The following BID variants were observed in gnomAD, a reference collection of about 807,000 sequenced individuals.
BID encodes the protein BH3 interacting domain death agonist.
Under a neutral mutation model 17.4 loss-of-function variants are expected in BID, and 19 were observed. The observed-to-expected ratio is 1.09, with a 90% CI of 0.76 to 1.60. The LOEUF (loss-of-function observed/expected upper bound fraction) is 1.60, where lower values mean the gene tolerates loss of function less well. BID is among the 40% of genes most tolerant of loss of function. BID has a pLI of 0.00. For synonymous variants in BID, 108 were observed against 102.8 expected (o/e 1.05, Z -0.31); for missense variants, 226 against 256.0 (o/e 0.88, Z 0.80).
intron 2 of BID, among the ~76,000 whole-genome samples, chr22:17,744,757 TACTG>T (rs1255012552): frequency 2.6e-5 from 4 of 152,180 alleles, no homozygotes; most frequent in South Asian, 4.1e-4. Flanking sequence ...GTTCTTGGGG[TACTG>T]ACTGTGTTTG....
At chr22:17,763,370 A>G (rs899727755) in intron 1 of BID, among the ~76,000 whole-genome samples, 2 of 151,982 alleles carry the variant, frequency 1.3e-5, no homozygotes, top group Non-Finnish European at 2.9e-5. Context: ...CAGCCTCCCA[A>G]GTAGCTGGGA....
In BID at chr22:17,739,338, C is replaced by T. The variant is rs779049242; in HGVS notation, c.363+11G>A. 52 of 1,577,446 alleles carry T rather than the reference C, an allele frequency of 3.3e-5. No homozygotes were observed. Among genetic ancestry groups the T allele is most frequent in the Non-Finnish European group, 4.1e-5 (48 of 1,164,538 alleles). On this transcript the variant is annotated intron_variant, in intron 4 of 5. Coordinates refer to ENST00000622694, the MANE Select transcript of BID (RefSeq NM_001196.4). ...CTTGCCCGCCCACGCGGTCCTCAGG[C>T]CCTCACTCACCTCCTCCGACCGGCT...
chr22:17,762,676 A>G (rs756088978), intron 1 of BID, among the ~76,000 whole-genome samples: 4 of 151,596 alleles, frequency 2.6e-5, no homozygotes, highest in Non-Finnish European at 4.4e-5. Flanking sequence ...TCAGCTTCCC[A>G]AAGTGCTGGG....
At chr22:17,748,316 T>C (rs1222343994) in intron 2 of BID, among the ~76,000 whole-genome samples, 1 of 150,798 alleles carries the variant, frequency 6.6e-6, no homozygotes, top group Non-Finnish European at 1.5e-5. Context: ...GAGACCATCC[T>C]GGCTAACACG....
intron 1 of BID, among the ~76,000 whole-genome samples, chr22:17,763,200 T>A (rs2061653692): frequency 6.6e-6 from 1 of 150,986 alleles, no homozygotes; most frequent in Non-Finnish European, 1.5e-5. Context: ...CTTTGAAAAA[T>A]AAAAGCATTT....
intron 1 of BID, among the ~76,000 whole-genome samples, chr22:17,759,241 C>CAAAAAAAAAAAAAA (rs1555906713): frequency 2.1e-5 from 2 of 97,084 alleles, no homozygotes; most frequent in African/African-American, 5.1e-5. Context: ...AAACAAAAAA[C>CAAAAAAAAAAAAAA]AAAACAAAAA....
At chr22:17,765,423 CGAGT>C (rs1301029413) in intron 1 of BID, among the ~76,000 whole-genome samples, 1 of 152,112 alleles carries the variant, frequency 6.6e-6, no homozygotes, top group African/African-American at 2.4e-5. Context: ...TCTGTCTTAC[CGAGT>C]AAGTATGTCG....
chr22:17,755,065 ATTTCTTTTTTTCT>A, intron 1 of BID, among the ~76,000 whole-genome samples: 1 of 144,090 alleles, frequency 6.9e-6, no homozygotes, highest in Non-Finnish European at 1.5e-5. Flanking sequence ...CCTGGCCTGA[ATTTCTTTTTTTCT>A]TTTCTTTTTT....
intron 2 of BID, among the ~76,000 whole-genome samples, chr22:17,744,688 G>T (rs1381523958): frequency 6.6e-6 from 1 of 152,166 alleles, no homozygotes; most frequent in Non-Finnish European, 1.5e-5. Context: ...CCAGCTCCCT[G>T]GGCAGCACTG....
At chr22:17,739,876 G>A in intron 3 of BID, 1 of 632,218 alleles carries the variant, frequency 1.6e-6, no homozygotes, top group Non-Finnish European at 2.8e-6. Flanking sequence ...GGGCTCTGTG[G>A]GCAGACGGCA....
rs5844324 is a variant in BID, at chr22:17,747,004, GC to G, written c.13-2992del. 2.7e-3 allele frequency among the ~76,000 whole-genome samples: 412 copies of G among 152,344 alleles called. 1 individual carries two copies. Among genetic ancestry groups the G allele is most frequent in the African/African-American group, 9.4e-3 (390 of 41,584 alleles). On this transcript the variant is annotated intron_variant, in intron 2 of 5. Coordinates refer to ENST00000622694, the MANE Select transcript of BID (RefSeq NM_001196.4). ...TTGGCATCCAGAATCTGGACACAGA[GC>G]GGTGCTGCCACCACAGCAGGTCAGG...
At chr22:17,755,859 G>T (rs887309968) in intron 1 of BID, among the ~76,000 whole-genome samples, 15 of 151,646 alleles carry the variant, frequency 9.9e-5, no homozygotes, top group Non-Finnish European at 1.8e-4. Flanking sequence ...TTCCTTTTTG[G>T]TTTTTTGTTT....
chr22:17,762,695 T>G (rs1177612446), intron 1 of BID, among the ~76,000 whole-genome samples: 1 of 149,856 alleles, frequency 6.7e-6, no homozygotes, highest in East Asian at 2.0e-4. Context: ...GGATTACAGG[T>G]AAGGACCACT....
At chr22:17,749,805 A>G (rs2061522791) in intron 2 of BID, among the ~76,000 whole-genome samples, 1 of 152,208 alleles carries the variant, frequency 6.6e-6, no homozygotes, top group African/African-American at 2.4e-5. Context: ...CCCACAGCCT[A>G]TGGCTGTTAA....
Position 17,743,881 on chromosome 22 carries a change from G to A in BID, c.145C>T (p.Pro49Ser), listed in dbSNP as rs748577760. The change falls in exon 3 of 6, where the codon CCC (proline) becomes TCC (serine). Residue 49 changes from proline (P) to serine (S), a missense_variant. Transcript: ENST00000622694. Reference sequence around the variant, plus strand: ...AGCTCATCGTAGCCCTCCCACTGGGGAGCCAGCACTGGCAGCTCGTGGCCC... The same window carrying A: ...AGCTCATCGTAGCCCTCCCACTGGGAAGCCAGCACTGGCAGCTCGTGGCCC... The part of the protein sequence containing the change: ...ALGHELPVLA[P>S]QWEGYDELQT... The A allele has an allele frequency of 7.4e-6, 12 of 1,613,446 alleles. No homozygotes were observed. In the South Asian group the frequency reaches 1.1e-4, roughly 15 times the overall value.
At chr22:17,751,872 G>A (rs1569044700) in intron 1 of BID, among the ~76,000 whole-genome samples, 1 of 152,230 alleles carries the variant, frequency 6.6e-6, no homozygotes, top group East Asian at 1.9e-4. Flanking sequence ...CACAGCAGAG[G>A]AAGGGGAGTC....
intron 1 of BID, among the ~76,000 whole-genome samples, chr22:17,753,323 G>A (rs1331603904): frequency 1.3e-5 from 2 of 152,212 alleles, no homozygotes; most frequent in Non-Finnish European, 2.9e-5. Flanking sequence ...GAGGGGCAAG[G>A]TGTTGTGGCA....
intron 2 of BID, among the ~76,000 whole-genome samples, chr22:17,747,652 G>A (rs2061503568): frequency 6.6e-6 from 1 of 152,026 alleles, no homozygotes; most frequent in Non-Finnish European, 1.5e-5. Flanking sequence ...AGAATTGATA[G>A]TTTTTTATCT....
At chr22:17,768,821 C>T (rs1473410544) in intron 1 of BID, among the ~76,000 whole-genome samples, 1 of 144,612 alleles carries the variant, frequency 6.9e-6, no homozygotes, top group Non-Finnish European at 1.5e-5. Flanking sequence ...TGCAGTGAGC[C>T]GAGATCGCGC....
Sources: gnomAD v4.1 joint callset for allele counts (sites outside exome capture counted in the v4.1 genomes callset) on GRCh38, gnomAD v4.1.1 for gene constraint, MANE v1.5 for transcripts, NCBI Gene and HGNC (gene_info 2026-07-23, HGNC 2026-07-21) for gene names.